KCNIP4: variants seen among roughly 807,000 people sequenced by gnomAD.
The protein encoded by KCNIP4 is potassium voltage-gated channel interacting protein 4, also known as Kv channel-interacting protein 4.
A neutral mutation model predicts 34.0 loss-of-function variants in KCNIP4; 12 were observed. The ratio of observed to expected loss-of-function variants is 0.35; its 90% confidence interval spans 0.23 to 0.57. The LOEUF is 0.57. Among genes scored for constraint, KCNIP4 ranks in the 20% least tolerant of loss-of-function variants. KCNIP4 has a pLI of 0.83. For synonymous variants in KCNIP4, 124 were observed against 102.2 expected, an observed-to-expected ratio of 1.21 and a Z score of -1.29; for missense variants, 238 against 311.7, an observed-to-expected ratio of 0.76 and a Z score of 1.78.
At chr4:21,032,206 C>T (rs894067709) in intron 1 of KCNIP4, among the ~76,000 whole-genome samples, 24 of 152,228 alleles carry the variant, frequency 1.6e-4, no homozygotes, top group Non-Finnish European at 3.2e-4. Flanking sequence ...GAAAGCTTTT[C>T]TATTTCTTTC....
intron 1 of KCNIP4, among the ~76,000 whole-genome samples, chr4:21,079,018 G>T (rs1745769652): frequency 6.6e-6 from 1 of 152,038 alleles, no homozygotes; most frequent in South Asian, 2.1e-4. Context: ...CACAATCCAG[G>T]TCAGATTGTG....
intron 1 of KCNIP4, among the ~76,000 whole-genome samples, chr4:21,864,162 C>T (rs745836906): frequency 1.1e-4 from 16 of 152,202 alleles, no homozygotes; most frequent in Non-Finnish European, 2.2e-4. Flanking sequence ...TTTCAGCACA[C>T]TTTCTCACTA....
At chr4:21,662,865 G>T (rs1748552810) in intron 1 of KCNIP4, among the ~76,000 whole-genome samples, 1 of 152,158 alleles carries the variant, frequency 6.6e-6, no homozygotes, top group African/African-American at 2.4e-5. Context: ...AACTGAAACA[G>T]TGTTTCTAAT....
chr4:21,673,184 T>C (rs915453445), intron 1 of KCNIP4, among the ~76,000 whole-genome samples: 2 of 152,136 alleles, frequency 1.3e-5, no homozygotes, highest in Non-Finnish European at 2.9e-5. Flanking sequence ...ATAACATCTC[T>C]CAAGTTATAA....
intron 1 of KCNIP4, among the ~76,000 whole-genome samples, chr4:21,043,063 T>C (rs1470503559): frequency 6.6e-6 from 1 of 152,150 alleles, no homozygotes; most frequent in Admixed American, 6.5e-5. Flanking sequence ...GGAGGAACAT[T>C]CCATGTATTT....
At chr4:21,056,790 C>A (rs780604474) in intron 1 of KCNIP4, among the ~76,000 whole-genome samples, 1 of 152,184 alleles carries the variant, frequency 6.6e-6, no homozygotes, top group Admixed American at 6.5e-5. Flanking sequence ...AATTTATATG[C>A]AGAAGCCCTA....
intron 1 of KCNIP4, among the ~76,000 whole-genome samples, chr4:21,698,687 T>C (rs1430642155): frequency 1.3e-5 from 2 of 152,304 alleles, no homozygotes; most frequent in Non-Finnish European, 2.9e-5. Context: ...AATATAAATA[T>C]TATATCTGTG....
chr4:21,072,431 T>C (rs920584733), intron 1 of KCNIP4, among the ~76,000 whole-genome samples: 19 of 152,324 alleles, frequency 1.2e-4, no homozygotes, highest in South Asian at 2.1e-4. Context: ...GTTGGCTGCA[T>C]AAATGTCTTC....
chr4:21,279,929 C>A (rs998440972), intron 1 of KCNIP4, among the ~76,000 whole-genome samples: 2 of 152,248 alleles, frequency 1.3e-5, no homozygotes, highest in Admixed American at 6.5e-5. Context: ...GAGTTCATTT[C>A]GCCATCATTC....
At chr4:21,242,163 CAAAA>C (rs11436478) in intron 1 of KCNIP4, among the ~76,000 whole-genome samples, 930 of 55,730 alleles carry the variant, frequency 0.017, 12 homozygotes, top group African/African-American at 0.049. Flanking sequence ...AATTCTGTCT[CAAAA>C]AAAAAAAAAA....
At chr4:21,770,846 C>T (rs11938269) in intron 1 of KCNIP4, among the ~76,000 whole-genome samples, 13,958 of 152,058 alleles carry the variant, frequency 0.092, 675 homozygotes, top group Middle Eastern at 0.18. Context: ...GATATTAGCC[C>T]TTTGTCAGAT....
intron 1 of KCNIP4, among the ~76,000 whole-genome samples, chr4:21,349,700 G>A (rs568303632): frequency 1.3e-5 from 2 of 152,264 alleles, no homozygotes; most frequent in Admixed American, 6.5e-5. Context: ...GTGTTTCTGG[G>A]TTCTTAAAGG....
intron 1 of KCNIP4, among the ~76,000 whole-genome samples, chr4:20,977,245 TGCAGACACAA>T (rs2149685765): frequency 6.6e-6 from 1 of 152,340 alleles, no homozygotes; most frequent in East Asian, 1.9e-4. Context: ...CTTCACTACT[TGCAGACACAA>T]GTTACCCAAT....
intron 1 of KCNIP4, among the ~76,000 whole-genome samples, chr4:21,204,600 A>G (rs1408761724): frequency 2.6e-5 from 4 of 152,222 alleles, no homozygotes; most frequent in Non-Finnish European, 5.9e-5. Context: ...CATGAAATTA[A>G]AATTTCAAGT....
chr4:21,059,538 A>T (rs1480505071), intron 1 of KCNIP4, among the ~76,000 whole-genome samples: 2 of 152,102 alleles, frequency 1.3e-5, no homozygotes, highest in African/African-American at 4.8e-5. Flanking sequence ...AGACCACACC[A>T]GAGAAGGAGA....
chr4:21,067,773 C>T (rs1389149615), intron 1 of KCNIP4, among the ~76,000 whole-genome samples: 1 of 152,106 alleles, frequency 6.6e-6, no homozygotes, highest in Non-Finnish European at 1.5e-5. Flanking sequence ...CAGAGAGAGA[C>T]CCTGTTTGTT....
chr4:21,039,950 G>T (rs28414387), intron 1 of KCNIP4, among the ~76,000 whole-genome samples: 4,266 of 152,192 alleles, frequency 0.028, 177 homozygotes, highest in African/African-American at 0.096. Flanking sequence ...CATGGCTGGG[G>T]AGGCCTCAGG....
intron 1 of KCNIP4, among the ~76,000 whole-genome samples, chr4:21,524,284 C>T (rs1302192814): frequency 6.6e-6 from 1 of 152,148 alleles, no homozygotes; most frequent in Non-Finnish European, 1.5e-5. Flanking sequence ...TTGGCTCTCA[C>T]ACTAAACAGA....
At chr4:20,803,470 CAAAAAAAAAAAAAAAAAA>C (rs551176038) in intron 3 of KCNIP4, among the ~76,000 whole-genome samples, 10,359 of 86,074 alleles carry the variant, frequency 0.12, 787 homozygotes, top group East Asian at 0.23. Context: ...TCATCTTTAC[CAAAAAAAAAAAAAAAAAA>C]AAAAAAAAAA....
Sources: allele counts gnomAD v4.1 joint callset (sites outside exome capture counted in the v4.1 genomes callset), GRCh38; gene constraint gnomAD v4.1.1; transcripts MANE v1.5; gene names NCBI Gene and HGNC (gene_info 2026-07-23, HGNC 2026-07-21).